AGAP1: variants seen among roughly 807,000 people sequenced by gnomAD.
AGAP1 encodes ArfGAP with GTPase domain, ankyrin repeat and PH domain 1, also known as arf-GAP with GTPase, ANK repeat and PH domain-containing protein 1.
Under a neutral mutation model 105.3 loss-of-function variants are expected in AGAP1, and 29 were observed. The observed-to-expected ratio is 0.28, with a 90% confidence interval of 0.21 to 0.38. The LOEUF is 0.38. AGAP1 is among the 10% of genes least tolerant of loss of function. The pLI, the probability that AGAP1 is intolerant of heterozygous loss-of-function variation, is 1.00. For synonymous variants in AGAP1, 509 were observed against 485.9 expected, an observed-to-expected ratio of 1.05 and a Z score of -0.63; for missense variants, 998 against 1,165.1, an observed-to-expected ratio of 0.86 and a Z score of 2.09.
chr2:236,068,765 A>C (rs1404174934), intron 16 of AGAP1, among the ~76,000 whole-genome samples: 5 of 137,924 alleles, frequency 3.6e-5, no homozygotes, highest in Non-Finnish European at 6.1e-5. Context: ...GCGCCACTGC[A>C]CTCCAGCCTG....
At chr2:235,496,007 C>T (rs1418481071) in intron 1 of AGAP1, among the ~76,000 whole-genome samples, 2 of 152,240 alleles carry the variant, frequency 1.3e-5, no homozygotes, top group Non-Finnish European at 2.9e-5. Context: ...AGCCTCCTCC[C>T]TCTGTGAGGG....
chr2:235,968,631 T>A lies in AGAP1; in HGVS notation c.1645+8T>A. 1 of 1,590,026 alleles carries A rather than the reference T, an allele frequency of 6.3e-7. No individual in the cohort carries two copies. Among genetic ancestry groups the A allele is most frequent in the Non-Finnish European group, 8.5e-7 (1 of 1,170,952 alleles). On this transcript the variant is annotated splice_region_variant and intron_variant, in intron 13 of 17. Transcript: ENST00000304032. ...TGTCCGGCACTGCTGAAGGTAAGGG[T>A]TCCGCGGTGCCCCGGGAGAGAGTCT...
chr2:235,978,880 A>C (rs2054968963), intron 13 of AGAP1, among the ~76,000 whole-genome samples: 1 of 152,142 alleles, frequency 6.6e-6, no homozygotes, highest in African/African-American at 2.4e-5. Context: ...CTTCCTTGCA[A>C]ACAAGTGCAT....
At chr2:235,815,893 C>T (rs957639294) in intron 9 of AGAP1, among the ~76,000 whole-genome samples, 4 of 152,288 alleles carry the variant, frequency 2.6e-5, no homozygotes, top group African/African-American at 7.2e-5. Context: ...CTTTCAGTCC[C>T]GTCCATGGGA....
intron 9 of AGAP1, among the ~76,000 whole-genome samples, chr2:235,876,918 G>C (rs2049773742): frequency 6.6e-6 from 1 of 150,594 alleles, no homozygotes; most frequent in Non-Finnish European, 1.5e-5. Context: ...CGCAATCTTG[G>C]CTCACTGCAA....
At chr2:235,871,508 T>C (rs2049438379) in intron 9 of AGAP1, among the ~76,000 whole-genome samples, 1 of 152,228 alleles carries the variant, frequency 6.6e-6, no homozygotes, top group Non-Finnish European at 1.5e-5. Context: ...TTTTCCTCAC[T>C]GTCCTCACAA....
In AGAP1 at chr2:235,739,239, C is replaced by T. The variant is rs1372461567; in HGVS notation, c.311-1724C>T. ...GGCAGAGCTAGGCCAGTATCGGGGT[C>T]TGGGGGCGACCGTCTGCAGCACCGT... On this transcript the variant is annotated intron_variant, in intron 3 of 17. Coordinates refer to ENST00000304032, the MANE Select transcript of AGAP1 (RefSeq NM_001037131.3). This position sits in a 1 kb window ranked among gnomAD's most constrained non-coding sequence, Gnocchi z 5.3. 2.0e-5 allele frequency among the ~76,000 whole-genome samples: 3 copies of T among 152,248 alleles called. No individual in the cohort carries two copies. The highest frequency in any genetic ancestry group is 1.9e-4 in the East Asian group (1 of 5,196).
chr2:235,613,468 A>G (rs187903079), intron 1 of AGAP1, among the ~76,000 whole-genome samples: 20 of 152,342 alleles, frequency 1.3e-4, no homozygotes, highest in Admixed American at 6.5e-4. Context: ...CCTTCCTTCA[A>G]TGAGAAGACT....
Position 235,892,978 on chromosome 2 carries a change from C to T in AGAP1, c.1155+9529C>T, listed in dbSNP as rs114620572. On this transcript the variant is annotated intron_variant, in intron 10 of 17. Coordinates refer to ENST00000304032, the MANE Select transcript of AGAP1 (RefSeq NM_001037131.3). ...GTAGTCAGACATGTCAAGTCTGGCA[C>T]GCTGCTGCAGAAGGCGTGATTCATC... 4.8e-3 allele frequency among the ~76,000 whole-genome samples: 738 copies of T among 152,308 alleles called. 8 individuals are homozygous for T. Among genetic ancestry groups the T allele is most frequent in the African/African-American group, 0.017 (695 of 41,566 alleles).
chr2:235,630,800 C>A (rs1477471506), intron 1 of AGAP1, among the ~76,000 whole-genome samples: 1 of 152,188 alleles, frequency 6.6e-6, no homozygotes, highest in Non-Finnish European at 1.5e-5. Context: ...TTGGCTGCCA[C>A]CATGGCAACG....
chr2:235,766,798 G>C (rs1476852051), intron 6 of AGAP1, among the ~76,000 whole-genome samples: 1 of 152,088 alleles, frequency 6.6e-6, no homozygotes, highest in African/African-American at 2.4e-5. Flanking sequence ...CTAGAGTGCA[G>C]TGGTAAGATC....
At position 235,964,879 on chromosome 2, in the gene AGAP1, G is replaced by A. The variant is rs1007295001; in HGVS notation, c.1484-3583G>A. On this transcript the variant is annotated intron_variant, in intron 12 of 17. Transcript: ENST00000304032. This position sits in a 1 kb window ranked among gnomAD's most constrained non-coding sequence, Gnocchi z 4.6. ...AAGGTAAGAACTGGACCAGGGGTAC[G>A]TGGTGCTTAAATGGAGAGCAGGCAG... 2.0e-5 allele frequency among the ~76,000 whole-genome samples: 3 copies of A among 152,208 alleles called. No homozygotes were observed. Among genetic ancestry groups the A allele is most frequent in the Non-Finnish European group, 4.4e-5 (3 of 68,040 alleles).
Position 235,908,692 on chromosome 2 carries a change from CTTTT to C in AGAP1, c.1156-35_1156-32del, listed in dbSNP as rs8178997. 27 of 1,368,168 alleles carry C rather than the reference CTTTT, an allele frequency of 2.0e-5. No homozygotes were observed. Among genetic ancestry groups the C allele is most frequent in the South Asian group, 7.6e-5 (5 of 65,868 alleles). The allele number at this position is 1,368,168 out of a possible 1,614,324, so 84.8% of individuals were successfully genotyped here. A position where few individuals can be genotyped will look rare whatever the true frequency, so the allele number is the denominator to read the frequency against. ...CCTTTTGTTCTAGGTTGTAAAAGGTCTTTTTTTTTTTTTTATCTCTCTTGGATGT... is the reference window on the plus strand; with the variant it reads ...CCTTTTGTTCTAGGTTGTAAAAGGTCTTTTTTTTTTATCTCTCTTGGATGT... On this transcript the variant is annotated intron_variant, in intron 10 of 17. Transcript: ENST00000304032. The surrounding 1 kb of genome is among the most constrained non-coding windows in gnomAD (Gnocchi z 4.4).
chr2:235,569,371 G>C lies in AGAP1; in HGVS notation c.163+74522G>C, dbSNP rs1944447687. Among the ~76,000 whole-genome samples, 1 of 152,184 alleles carries C rather than the reference G, an allele frequency of 6.6e-6. No homozygotes were observed. The highest frequency in any genetic ancestry group is 1.5e-5 in the Non-Finnish European group (1 of 68,036). On this transcript the variant is annotated intron_variant, in intron 1 of 17. Transcript: ENST00000304032. This position sits in a 1 kb window ranked among gnomAD's most constrained non-coding sequence, Gnocchi z 5.9. ...CCCGAGTGGGTGCCTCTCCTGGCCA[G>C]GTGTCCCCTTGTGTATGTTATCCTT... is the stretch of plus-strand genomic sequence containing the variant.
In AGAP1 at chr2:236,003,766, G is replaced by A. The variant is rs898237829; in HGVS notation, c.1646-32795G>A. ...GGCCTGTGTGCAGCTCACTGTGGAG[G>A]GGTCACTGCTGTCCTACCACTTTTT... On this transcript the variant is annotated intron_variant, in intron 13 of 17. Transcript: ENST00000304032. The surrounding 1 kb of genome is among the most constrained non-coding windows in gnomAD (Gnocchi z 4.2). Among the ~76,000 whole-genome samples, 1 of 152,066 alleles carries A rather than the reference G, an allele frequency of 6.6e-6. No homozygotes were observed. Among genetic ancestry groups the A allele is most frequent in the Non-Finnish European group, 1.5e-5 (1 of 67,998 alleles).
In AGAP1 at chr2:235,919,195, G is replaced by A. The variant is rs1006868576; in HGVS notation, c.1324+10289G>A. Among the ~76,000 whole-genome samples, 24 of 152,150 alleles carry A rather than the reference G, an allele frequency of 1.6e-4. No homozygotes were observed. The highest frequency in any genetic ancestry group is 1.4e-3 in the Admixed American group (22 of 15,278). On this transcript the variant is annotated intron_variant, in intron 11 of 17. Transcript: ENST00000304032. The surrounding 1 kb of genome is among the most constrained non-coding windows in gnomAD (Gnocchi z 4.1). The stretch of plus-strand genomic sequence containing the variant: ...CACCAGGGAGCCAGCTGCCAGCCCC[G>A]GGGGCCAGTGAGAACCGAGGCCTTG...
chr2:235,952,476 G>A (rs1391477362), intron 12 of AGAP1, among the ~76,000 whole-genome samples: 1 of 152,128 alleles, frequency 6.6e-6, no homozygotes, highest in East Asian at 1.9e-4. Context: ...AGGTGCCCCA[G>A]GCAGCTCATG....
intron 1 of AGAP1, among the ~76,000 whole-genome samples, chr2:235,525,578 T>C (rs1315487300): frequency 6.7e-6 from 1 of 149,188 alleles, no homozygotes; most frequent in Non-Finnish European, 1.5e-5. Flanking sequence ...AGGACTGATT[T>C]ATAAAGTAGA....
At chr2:236,097,829 C>T (rs1256771200) in intron 16 of AGAP1, among the ~76,000 whole-genome samples, 1 of 152,170 alleles carries the variant, frequency 6.6e-6, no homozygotes, top group Non-Finnish European at 1.5e-5. Flanking sequence ...ACTCCCACTT[C>T]CCCTGGCCCC....
Sources: allele counts gnomAD v4.1 joint callset (sites outside exome capture counted in the v4.1 genomes callset), GRCh38; gene constraint gnomAD v4.1.1; non-coding constraint Gnocchi (gnomAD v3.1); transcripts MANE v1.5; gene names NCBI Gene and HGNC (gene_info 2026-07-23, HGNC 2026-07-21).